The following TMTC4 variants were observed in gnomAD, a reference collection of about 807,000 sequenced individuals.
The protein encoded by TMTC4 is protein O-mannosyl-transferase TMTC4.
A neutral mutation model predicts 86.0 loss-of-function variants in TMTC4; 65 were observed. The observed-to-expected ratio is 0.76, with a 90% confidence interval of 0.62 to 0.93. TMTC4 has a LOEUF of 0.93. Among genes scored for constraint, TMTC4 ranks in the 40% least tolerant of loss-of-function variants. TMTC4 has a pLI of 0.00. For synonymous variants in TMTC4, 379 were observed against 382.5 expected (o/e 0.99, Z 0.11); for missense variants, 866 against 948.1 (o/e 0.91, Z 1.14).
intron 3 of TMTC4, among the ~76,000 whole-genome samples, chr13:100,664,584 G>A (rs1038730938): frequency 3.9e-5 from 6 of 152,084 alleles, no homozygotes; most frequent in Admixed American, 1.3e-4. Flanking sequence ...GGCTTCCCCC[G>A]AACTCTGCAG....
At chr13:100,614,837 C>A in intron 15 of TMTC4, 1 of 803,014 alleles carries the variant, frequency 1.2e-6, no homozygotes, top group South Asian at 5.7e-5. Flanking sequence ...GTCTTTTTCA[C>A]TAAAGACTTC....
At chr13:100,671,944 T>C (rs907282837) in intron 1 of TMTC4, among the ~76,000 whole-genome samples, 2 of 151,624 alleles carry the variant, frequency 1.3e-5, no homozygotes, top group African/African-American at 4.9e-5. Flanking sequence ...AGTCCAGTGG[T>C]TGAGACCAAA....
At position 100,662,980 on chromosome 13, in the gene TMTC4, G is replaced by A. The variant is rs768916546; in HGVS notation, c.536C>T (p.Pro179Leu). The A allele has an allele frequency of 4.3e-6, 7 of 1,613,976 alleles. No individual in the cohort carries two copies. The highest frequency in any genetic ancestry group is 5.9e-6 in the Non-Finnish European group (7 of 1,180,022). The stretch of plus-strand genomic sequence containing the variant: ...GACACTTACACACTCGGTGTGCACA[G>A]GATGGACAGCAAACAGCAGCGCGGC... ...LLAALLFAVHPVHTECVAGVV... is the reference protein window; with the variant it reads ...LLAALLFAVHLVHTECVAGVV... Residue 179 changes from proline to leucine, a missense_variant, in exon 5 of 19, where the codon CCT (proline) becomes CTT (leucine). Pro to Leu is a moderately conservative substitution (Grantham distance 98). Coordinates refer to ENST00000342624, the MANE Select transcript of TMTC4 (RefSeq NM_032813.5).
chr13:100,650,611 C>T (rs544864080), intron 6 of TMTC4, among the ~76,000 whole-genome samples: 5 of 152,344 alleles, frequency 3.3e-5, no homozygotes, highest in South Asian at 2.1e-4. Context: ...ATCAGATTCG[C>T]GTTCCAAAAG....
chr13:100,641,930 A>C (rs540206790), intron 7 of TMTC4, among the ~76,000 whole-genome samples: 1 of 152,218 alleles, frequency 6.6e-6, no homozygotes, highest in Non-Finnish European at 1.5e-5. Context: ...ATCTTTTTCT[A>C]CAGGGCCTCT....
Position 100,633,096 on chromosome 13 carries a change from G to A in TMTC4, c.1506+1709C>T, listed in dbSNP as rs553531464. The stretch of plus-strand genomic sequence containing the variant: ...GGGAGGCTGAGGATGGGCGAATCAC[G>A]AGGTCAGGAGTTCGAGACCAGCCTG... On this transcript the variant is annotated intron_variant, in intron 12 of 18. Coordinates refer to ENST00000342624, the MANE Select transcript of TMTC4 (RefSeq NM_032813.5). Among the ~76,000 whole-genome samples, 5 of 152,068 alleles carry A rather than the reference G, an allele frequency of 3.3e-5. No homozygotes were observed. In the East Asian group the frequency reaches 9.7e-4, roughly 29 times the overall value.
chr13:100,663,596 G>C (rs1347313836), intron 4 of TMTC4, among the ~76,000 whole-genome samples: 1 of 152,160 alleles, frequency 6.6e-6, no homozygotes, highest in Non-Finnish European at 1.5e-5. Context: ...CCAAAAAAGG[G>C]CTCCTCATCA....
chr13:100,616,585 T>C (rs2138739296), intron 15 of TMTC4, among the ~76,000 whole-genome samples: 1 of 152,354 alleles, frequency 6.6e-6, no homozygotes, highest in African/African-American at 2.4e-5. Flanking sequence ...TCTAAGTTCT[T>C]TGAGAAATCT....
chr13:100,629,176 A>G (rs1880975442), intron 12 of TMTC4, among the ~76,000 whole-genome samples: 1 of 152,186 alleles, frequency 6.6e-6, no homozygotes, highest in Admixed American at 6.5e-5. Flanking sequence ...AAGTGAAAGA[A>G]AAAGAAAAGT....
At position 100,612,508 on chromosome 13, in the gene TMTC4, T is replaced by C. The variant is rs758079169; in HGVS notation, c.1954A>G (p.Asn652Asp). 6.8e-6 allele frequency: 11 copies of C among 1,607,410 alleles called. No individual in the cohort carries two copies. Among genetic ancestry groups the C allele is most frequent in the Non-Finnish European group, 8.5e-6 (10 of 1,176,724 alleles). Residue 652 changes from asparagine to aspartate, a missense_variant and splice_region_variant, in exon 17 of 19, where the codon AAT becomes GAT. By Grantham distance (23) the Asn-to-Asp change is conservative. Coordinates refer to ENST00000342624, the MANE Select transcript of TMTC4 (RefSeq NM_032813.5). ...CCAACTGCTTCAGCTTGGGCTAAAT[T>C]ACCTGGGAGTGAAAAATGGAAAAAT... ...NMIILLDNTGNLAQAEAVGRE... is the reference protein window; with the variant it reads ...NMIILLDNTGDLAQAEAVGRE...
chr13:100,630,128 G>C (rs1881158278), intron 12 of TMTC4, among the ~76,000 whole-genome samples: 1 of 151,578 alleles, frequency 6.6e-6, no homozygotes, highest in Non-Finnish European at 1.5e-5. Flanking sequence ...ATACAGAAGT[G>C]GTTTAAACAC....
chr13:100,650,610 G>A (rs141126514), intron 6 of TMTC4, among the ~76,000 whole-genome samples: 1,696 of 152,320 alleles, frequency 0.011, 13 homozygotes, highest in Non-Finnish European at 0.016. Flanking sequence ...CATCAGATTC[G>A]CGTTCCAAAA....
intron 12 of TMTC4, among the ~76,000 whole-genome samples, chr13:100,634,184 T>C (rs1480995029): frequency 6.6e-6 from 1 of 151,322 alleles, no homozygotes; most frequent in Non-Finnish European, 1.5e-5. Context: ...CATGGTCATA[T>C]ATATGCAATA....
In TMTC4 at chr13:100,636,704, T is replaced by G; in HGVS notation, c.1030A>C (p.Asn344His). ...AVNYNYYYSL[N>H]AWLLLCPWWL... Reference sequence around the variant, plus strand: ...CAGGGACACAGCAGCAGCCAGGCATTCAATGAATAGTAGTAATTGTAGTTT... The same window carrying G: ...CAGGGACACAGCAGCAGCCAGGCATGCAATGAATAGTAGTAATTGTAGTTT... The change falls in exon 10 of 19, where the codon AAT (asparagine) becomes CAT (histidine). Residue 344 changes from asparagine to histidine, a missense_variant. Physicochemically the swap from Asn to His is moderately conservative, Grantham distance 68. Coordinates refer to ENST00000342624, the MANE Select transcript of TMTC4 (RefSeq NM_032813.5). 6.2e-7 allele frequency: 1 copy of G among 1,614,166 alleles called. No homozygotes were observed. Among genetic ancestry groups the G allele is most frequent in the Non-Finnish European group, 8.5e-7 (1 of 1,180,022 alleles).
At chr13:100,614,563 T>C in intron 15 of TMTC4, 133 bp from the exon 16 acceptor site, 1 of 640,860 alleles carries the variant, frequency 1.6e-6, no homozygotes, top group East Asian at 2.8e-5. Context: ...CTAACTTTAA[T>C]TATGGAGCTT....
At chr13:100,642,833 T>C (rs1366371967) in intron 6 of TMTC4, among the ~76,000 whole-genome samples, 3 of 152,274 alleles carry the variant, frequency 2.0e-5, no homozygotes, top group African/African-American at 7.2e-5. Context: ...CTGCTCCCTG[T>C]GTGGAACAGC....
intron 15 of TMTC4, 30 bp from the exon 16 acceptor site, chr13:100,614,460 A>G: frequency 6.8e-7 from 1 of 1,460,410 alleles, no homozygotes; most frequent in Non-Finnish European, 9.6e-7. Context: ...AAAAATCAGT[A>G]TTCCAAGTTT....
chr13:100,630,241 A>ACC (rs1881172388), intron 12 of TMTC4, among the ~76,000 whole-genome samples: 1 of 152,174 alleles, frequency 6.6e-6, no homozygotes, highest in African/African-American at 2.4e-5. Flanking sequence ...CACTTCGTCA[A>ACC]ACATACTTAG....
At chr13:100,649,895 G>C (rs1382521685) in intron 6 of TMTC4, among the ~76,000 whole-genome samples, 2 of 152,010 alleles carry the variant, frequency 1.3e-5, no homozygotes, top group African/African-American at 4.8e-5. Flanking sequence ...CTGAGTGGCA[G>C]ATGTCACCTC....
Sources: allele counts gnomAD v4.1 joint callset (sites outside exome capture counted in the v4.1 genomes callset), GRCh38; gene constraint gnomAD v4.1.1; transcripts MANE v1.5; gene names NCBI Gene and HGNC (gene_info 2026-07-23, HGNC 2026-07-21).